The following SASH1 variants were observed in gnomAD, a reference collection of about 807,000 sequenced individuals.
SASH1 encodes SAM and SH3 domain containing 1, also known as SAM and SH3 domain-containing protein 1.
A neutral mutation model predicts 125.2 loss-of-function variants in SASH1; 44 were observed. That is an observed-to-expected ratio of 0.35 (90% confidence interval 0.28 to 0.45). SASH1 has a LOEUF of 0.45. Ranked by LOEUF, SASH1 falls within the 20% of genes least tolerant of loss-of-function variation. SASH1 has a pLI of 1.00. For synonymous variants in SASH1, 639 were observed against 649.1 expected (o/e 0.98, Z 0.24); for missense variants, 1,426 against 1,614.5 (o/e 0.88, Z 2.00).
intron 2 of SASH1, among the ~76,000 whole-genome samples, chr6:148,410,497 T>TG (rs1410831680): frequency 6.6e-6 from 1 of 152,142 alleles, no homozygotes; most frequent in African/African-American, 2.4e-5. Context: ...ATTTAATGGT[T>TG]GCATATTCAA....
chr6:148,202,374 G>A, the SASH1 span, among the ~76,000 whole-genome samples: 1 of 152,064 alleles, frequency 6.6e-6, no homozygotes, highest in Non-Finnish European at 1.5e-5. Context: ...CCCACATAGC[G>A]AAAAGACATC....
intron 1 of SASH1, among the ~76,000 whole-genome samples, chr6:148,283,795 TTG>T (rs1187022671): frequency 2.6e-5 from 4 of 152,026 alleles, no homozygotes; most frequent in Non-Finnish European, 5.9e-5. Flanking sequence ...TACTCCCCAC[TTG>T]TGTGTATCTG....
At chr6:148,298,671 A>AGGG (rs1779832640) in intron 1 of SASH1, among the ~76,000 whole-genome samples, 9 of 41,366 alleles carry the variant, frequency 2.2e-4, no homozygotes, top group South Asian at 1.6e-3. Flanking sequence ...GGGAGGGAGG[A>AGGG]AGGAAGGAAG....
At chr6:148,235,678 C>A in the SASH1 span, among the ~76,000 whole-genome samples, 1 of 152,122 alleles carries the variant, frequency 6.6e-6, no homozygotes, top group African/African-American at 2.4e-5. Flanking sequence ...TCACAGGGAC[C>A]AGTACAAACA....
At chr6:148,501,753 G>A (rs141384400) in intron 8 of SASH1, among the ~76,000 whole-genome samples, 102 of 152,300 alleles carry the variant, frequency 6.7e-4, no homozygotes, top group African/African-American at 2.3e-3. Context: ...CACCCATTCA[G>A]GAGGAAAGGC....
the SASH1 span, among the ~76,000 whole-genome samples, chr6:148,208,349 C>T: frequency 6.6e-6 from 1 of 152,184 alleles, no homozygotes; most frequent in African/African-American, 2.4e-5. Flanking sequence ...TGATCCTTCT[C>T]CCTCCATTGG....
chr6:148,538,622 C>T (rs1258390158), intron 16 of SASH1, among the ~76,000 whole-genome samples: 1 of 152,196 alleles, frequency 6.6e-6, no homozygotes, highest in Non-Finnish European at 1.5e-5. Context: ...CTGCCACGAT[C>T]TCTGCTGTAG....
intron 1 of SASH1, among the ~76,000 whole-genome samples, chr6:148,349,269 T>C (rs1208820745): frequency 1.4e-4 from 19 of 132,948 alleles, no homozygotes; most frequent in African/African-American, 5.1e-4. Context: ...TTTTTTTTTT[T>C]TTTTTTTTTT....
rs997219418 is a variant in SASH1, at chr6:148,534,742, C to G, written c.1945-9C>G. 2 of 1,613,984 alleles carry G rather than the reference C, an allele frequency of 1.2e-6. No individual in the cohort carries two copies. The highest frequency in any genetic ancestry group is 1.7e-5 in the Admixed American group (1 of 60,004). On this transcript the variant is annotated splice_polypyrimidine_tract_variant and intron_variant, in intron 15 of 19. Transcript: ENST00000367467. Reference sequence around the variant, plus strand: ...TGACACCCTTCTGTCTTCCTTCTCCCTCTCACAGGAGCACATGCCCACTTT... The same window carrying G: ...TGACACCCTTCTGTCTTCCTTCTCCGTCTCACAGGAGCACATGCCCACTTT...
chr6:148,297,638 G>C (rs1779799590), intron 1 of SASH1, among the ~76,000 whole-genome samples: 1 of 152,090 alleles, frequency 6.6e-6, no homozygotes, highest in South Asian at 2.1e-4. Context: ...GACCAGCCTG[G>C]GCAACACGAT....
At chr6:148,322,912 T>TTCTTTCTCTC (rs1780681436) in intron 1 of SASH1, among the ~76,000 whole-genome samples, 1 of 118,516 alleles carries the variant, frequency 8.4e-6, no homozygotes, top group Non-Finnish European at 1.8e-5. Flanking sequence ...CTCTCTTTCT[T>TTCTTTCTCTC]TCTTTTTTCT....
chr6:148,367,083 C>T (rs1335517150), intron 1 of SASH1, among the ~76,000 whole-genome samples: 1 of 150,130 alleles, frequency 6.7e-6, no homozygotes, highest in South Asian at 2.2e-4. Flanking sequence ...GCCACCATAC[C>T]TGGCTAATTT....
chr6:148,319,067 C>G (rs1428118080), intron 1 of SASH1, among the ~76,000 whole-genome samples: 4 of 108,384 alleles, frequency 3.7e-5, no homozygotes, highest in Non-Finnish European at 6.7e-5. Context: ...GAGTCTGGCT[C>G]TGTAGCCCAG....
intron 2 of SASH1, among the ~76,000 whole-genome samples, chr6:148,419,124 T>G (rs1485903153): frequency 6.6e-6 from 1 of 152,206 alleles, no homozygotes; most frequent in Non-Finnish European, 1.5e-5. Context: ...CATTTTCTGT[T>G]TCAGGTAATA....
At chr6:148,286,368 T>A (rs954649554) in intron 1 of SASH1, among the ~76,000 whole-genome samples, 9 of 150,922 alleles carry the variant, frequency 6.0e-5, no homozygotes, top group African/African-American at 1.9e-4. Flanking sequence ...GCCACCGCAC[T>A]CCGGCCTGGG....
chr6:148,541,131 T>C (rs1413670684), intron 17 of SASH1, among the ~76,000 whole-genome samples: 1 of 151,962 alleles, frequency 6.6e-6, no homozygotes, highest in Non-Finnish European at 1.5e-5. Context: ...TGTGGTTTCC[T>C]GTTGTGACCC....
intron 1 of SASH1, among the ~76,000 whole-genome samples, chr6:148,319,019 C>CTTTTTTTTTT (rs1780562391): frequency 1.2e-5 from 1 of 80,510 alleles, no homozygotes; most frequent in Non-Finnish European, 2.6e-5. Flanking sequence ...CCGCATTTAT[C>CTTTTTTTTTT]TTCTTTTTTT....
intron 7 of SASH1, chr6:148,478,652 A>G (rs2115161746): frequency 6.6e-6 from 1 of 152,334 alleles, no homozygotes; most frequent in East Asian, 1.9e-4. Flanking sequence ...ACAATAATAT[A>G]TTGTACATTT....
chr6:148,309,084 C>T (rs1227256398), intron 1 of SASH1, among the ~76,000 whole-genome samples: 1 of 101,130 alleles, frequency 9.9e-6, no homozygotes, highest in African/African-American at 3.7e-5. Context: ...ACTCTGTCTC[C>T]AAAAAAAAAA....
Sources: gnomAD v4.1 joint callset for allele counts (sites outside exome capture counted in the v4.1 genomes callset) on GRCh38, gnomAD v4.1.1 for gene constraint, MANE v1.5 for transcripts, NCBI Gene and HGNC (gene_info 2026-07-23, HGNC 2026-07-21) for gene names.